CDK6: variants seen among roughly 807,000 people sequenced by gnomAD.
CDK6 encodes the protein cyclin dependent kinase 6.
A neutral mutation model predicts 37.1 loss-of-function variants in CDK6; 6 were observed. The ratio of observed to expected loss-of-function variants is 0.16; its 90% confidence interval spans 0.09 to 0.32. The LOEUF (loss-of-function observed/expected upper bound fraction) is 0.32, where lower values mean the gene tolerates loss of function less well. Ranked by LOEUF, CDK6 falls within the 10% of genes least tolerant of loss-of-function variation. The probability of loss-of-function intolerance (pLI) is 1.00; values close to 1 mark genes in which losing one functional copy is unlikely to be tolerated. For synonymous variants in CDK6, 160 were observed against 161.3 expected, an observed-to-expected ratio of 0.99 and a Z score of 0.06; for missense variants, 224 against 418.9, an observed-to-expected ratio of 0.53 and a Z score of 4.06.
intron 4 of CDK6, among the ~76,000 whole-genome samples, chr7:92,680,304 T>C (rs947817375): frequency 6.6e-6 from 1 of 150,810 alleles, no homozygotes; most frequent in Non-Finnish European, 1.5e-5. Context: ...TGGTGGTGCA[T>C]GCCTGTAATC....
chr7:92,713,255 A>G (rs1273441744), intron 4 of CDK6, among the ~76,000 whole-genome samples: 2 of 152,244 alleles, frequency 1.3e-5, no homozygotes, highest in Non-Finnish European at 1.5e-5. Context: ...GTGGCCAGAC[A>G]GTATAAGTAG....
chr7:92,823,443 TAAAAAAAAA>T (rs34132527), intron 2 of CDK6, among the ~76,000 whole-genome samples: 9 of 74,904 alleles, frequency 1.2e-4, no homozygotes, highest in African/African-American at 2.0e-4. Context: ...TCTTAATATG[TAAAAAAAAA>T]AAAAAAAAAA....
rs907168193 is a variant in CDK6 at position 92,612,931 on chromosome 7, A to G, written c.*2209T>C. On this transcript the variant is annotated 3_prime_UTR_variant, in exon 8 of 8. Coordinates refer to ENST00000424848, the MANE Select transcript of CDK6 (RefSeq NM_001145306.2). ...AAATGTCTTTGTATTTTGACCCTCG[A>G]TCAAAGGAAAGGCAGAACTCACTTT... The G allele has an allele frequency of 4.3e-6, 1 of 232,998 alleles. No individual in the cohort carries two copies. Among genetic ancestry groups the G allele is most frequent in the African/African-American group, 2.2e-5 (1 of 45,332 alleles). 14.4% of individuals were successfully genotyped at this position (232,998 alleles called of 1,614,324 possible). A position where few individuals can be genotyped will look rare whatever the true frequency, so the allele number is the denominator to read the frequency against.
chr7:92,833,993 TG>T lies in CDK6; in HGVS notation c.-367-304del. Reference sequence around the variant, plus strand: ...AGGGGGCGTGCCGAGCAGCCCAGAGTGTGCCGGGAGCGCGGGGGAGGGGAGG... The same window carrying T: ...AGGGGGCGTGCCGAGCAGCCCAGAGTTGCCGGGAGCGCGGGGGAGGGGAGG... On this transcript the variant is annotated intron_variant, in intron 1 of 7. Transcript: ENST00000424848. This position sits in a 1 kb window ranked among gnomAD's most constrained non-coding sequence, Gnocchi z 6.1. The T allele has an allele frequency of 2.5e-6, 1 of 398,100 alleles. No homozygotes were observed. The highest frequency in any genetic ancestry group is 2.1e-5 in the African/African-American group (1 of 48,586). The allele number at this position is 398,100 out of a possible 1,614,324, so 24.7% of individuals were successfully genotyped here. A position where few individuals can be genotyped will look rare whatever the true frequency, so the allele number is the denominator to read the frequency against.
At chr7:92,626,101 A>AGG (rs1314615442) in intron 5 of CDK6, among the ~76,000 whole-genome samples, 27 of 152,064 alleles carry the variant, frequency 1.8e-4, no homozygotes, top group Non-Finnish European at 3.8e-4. Flanking sequence ...CCACCTATTC[A>AGG]AATAACTGGA....
intron 2 of CDK6, among the ~76,000 whole-genome samples, chr7:92,776,831 T>C (rs190180488): frequency 6.6e-6 from 1 of 152,228 alleles, no homozygotes; most frequent in African/African-American, 2.4e-5. Context: ...ATGGATAGAT[T>C]GCAAAAATTT....
chr7:92,621,580 CAGA>C (rs1042840941), intron 6 of CDK6, among the ~76,000 whole-genome samples: 1 of 152,204 alleles, frequency 6.6e-6, no homozygotes. Flanking sequence ...TTCCTTTTAA[CAGA>C]AGGTCATCAG....
At chr7:92,824,921 A>G (rs185723598) in intron 2 of CDK6, among the ~76,000 whole-genome samples, 40 of 152,256 alleles carry the variant, frequency 2.6e-4, no homozygotes, top group Non-Finnish European at 4.3e-4. Flanking sequence ...CAACTATTAA[A>G]TAATAAGCAG....
intron 2 of CDK6, 104 bp downstream of exon 2, chr7:92,832,987 C>T (rs1169471413): frequency 1.9e-5 from 15 of 772,008 alleles, no homozygotes; most frequent in Non-Finnish European, 2.9e-5. Context: ...AGGACCTCCC[C>T]AGTCGCCCTC....
chr7:92,660,669 G>T (rs1796814793), intron 5 of CDK6, among the ~76,000 whole-genome samples: 1 of 152,202 alleles, frequency 6.6e-6, no homozygotes, highest in Admixed American at 6.5e-5. Flanking sequence ...CAATTAATGA[G>T]ATGCAGGTCA....
chr7:92,771,178 G>C (rs1788768508), intron 3 of CDK6, among the ~76,000 whole-genome samples: 1 of 150,752 alleles, frequency 6.6e-6, no homozygotes, highest in Non-Finnish European at 1.5e-5. Flanking sequence ...GGAGGTTGCA[G>C]TGAGTTGAGA....
In CDK6 at chr7:92,647,335, C is replaced by T. The variant is rs185514458; in HGVS notation, c.647+24091G>A. On this transcript the variant is annotated intron_variant, in intron 5 of 7. Coordinates refer to ENST00000424848, the MANE Select transcript of CDK6 (RefSeq NM_001145306.2). The stretch of plus-strand genomic sequence containing the variant: ...TCAAGGTGTTGTGAGAGTGAATACC[C>T]GAAGGTACTGATTTTACTCTGGGTC... Among the ~76,000 whole-genome samples, 19 of 152,204 alleles carry T rather than the reference C, an allele frequency of 1.2e-4. No homozygotes were observed. The East Asian group carries it at 2.9e-3, about 23-fold the overall frequency.
intron 3 of CDK6, among the ~76,000 whole-genome samples, chr7:92,749,774 A>G (rs1422292664): frequency 6.6e-6 from 1 of 152,236 alleles, no homozygotes; most frequent in East Asian, 1.9e-4. Context: ...AAATTGAATA[A>G]AAGCCACATG....
At chr7:92,771,317 A>G (rs1025511586) in intron 3 of CDK6, among the ~76,000 whole-genome samples, 19 of 150,980 alleles carry the variant, frequency 1.3e-4, no homozygotes, top group African/African-American at 4.4e-4. Context: ...TAAAAATAAA[A>G]TATCTTAGAC....
intron 2 of CDK6, among the ~76,000 whole-genome samples, chr7:92,820,081 C>T (rs530193726): frequency 1.4e-4 from 21 of 152,090 alleles, no homozygotes; most frequent in African/African-American, 4.8e-4. Context: ...TATGTAGACA[C>T]ATAGTATTTC....
chr7:92,815,085 A>C (rs958396026), intron 2 of CDK6, among the ~76,000 whole-genome samples: 1 of 152,328 alleles, frequency 6.6e-6, no homozygotes, highest in African/African-American at 2.4e-5. Flanking sequence ...AAAGGGAGGA[A>C]GAAGGGCAGC....
At chr7:92,812,948 C>T (rs1800924488) in intron 2 of CDK6, among the ~76,000 whole-genome samples, 1 of 152,180 alleles carries the variant, frequency 6.6e-6, no homozygotes, top group Non-Finnish European at 1.5e-5. Context: ...TCTTCTATGT[C>T]AGAAACAAAG....
In CDK6 at chr7:92,833,413, C is replaced by T. The variant is rs1411421272; in HGVS notation, c.-90G>A. On this transcript the variant is annotated 5_prime_UTR_variant, in exon 2 of 8. Transcript: ENST00000424848. This position sits in a 1 kb window ranked among gnomAD's most constrained non-coding sequence, Gnocchi z 6.1. ...CGGCCGCCGCTCGCCTACTCCGGGG[C>T]TCCCCGGAGATCGGTCTAGCTTTAC... The T allele has an allele frequency of 1.5e-5, 13 of 881,200 alleles. No homozygotes were observed. In the African/African-American group the frequency reaches 1.7e-4, roughly 12 times the overall value. The allele number at this position is 881,200 out of a possible 1,614,324, so 54.6% of individuals were successfully genotyped here. A position where few individuals can be genotyped will look rare whatever the true frequency, so the allele number is the denominator to read the frequency against.
intron 2 of CDK6, among the ~76,000 whole-genome samples, chr7:92,779,882 T>A (rs1799944134): frequency 6.6e-6 from 1 of 152,246 alleles, no homozygotes; most frequent in Non-Finnish European, 1.5e-5. Flanking sequence ...ATATTTATGA[T>A]GCTTTTTTTT....
Sources: allele counts gnomAD v4.1 joint callset (sites outside exome capture counted in the v4.1 genomes callset), GRCh38; gene constraint gnomAD v4.1.1; non-coding constraint Gnocchi (gnomAD v3.1); transcripts MANE v1.5; gene names NCBI Gene and HGNC (gene_info 2026-07-23, HGNC 2026-07-21).